The following ERBB4 variants were observed in gnomAD, a reference collection of about 807,000 sequenced individuals.
ERBB4 encodes receptor tyrosine-protein kinase erbB-4.
In ERBB4, 42 loss-of-function variants were observed where a neutral mutation model predicts 158.0. The observed-to-expected ratio is 0.27, with a 90% confidence interval of 0.21 to 0.34. The LOEUF is 0.34. Among genes scored for constraint, ERBB4 ranks in the 10% least tolerant of loss-of-function variants. The pLI, the probability that ERBB4 is intolerant of heterozygous loss-of-function variation, is 1.00. For synonymous variants in ERBB4, 583 were observed against 558.7 expected (o/e 1.04, Z -0.61); for missense variants, 1,333 against 1,624.1 (o/e 0.82, Z 3.08).
At chr2:211,506,947 C>T (rs987513421) in intron 20 of ERBB4, among the ~76,000 whole-genome samples, 3 of 151,806 alleles carry the variant, frequency 2.0e-5, no homozygotes, top group Non-Finnish European at 4.4e-5. Context: ...TTTTGAAAGG[C>T]TAAATGAAGT....
At chr2:211,987,135 A>G (rs1425759531) in intron 2 of ERBB4, among the ~76,000 whole-genome samples, 3 of 151,988 alleles carry the variant, frequency 2.0e-5, no homozygotes, top group African/African-American at 7.3e-5. Context: ...GACCTAGCCA[A>G]CATAGCAAAA....
At chr2:212,237,830 A>C (rs1322870443) in intron 1 of ERBB4, among the ~76,000 whole-genome samples, 4 of 152,206 alleles carry the variant, frequency 2.6e-5, no homozygotes, top group Non-Finnish European at 5.9e-5. Context: ...GCAGGGCTGC[A>C]GAGGACTGTG....
At chr2:211,648,299 A>G (rs1424406163) in intron 16 of ERBB4, among the ~76,000 whole-genome samples, 1 of 151,692 alleles carries the variant, frequency 6.6e-6, no homozygotes, top group Admixed American at 6.6e-5. Flanking sequence ...TTCTTTTCTT[A>G]CCATCTGCAT....
intron 1 of ERBB4, among the ~76,000 whole-genome samples, chr2:212,287,879 A>C (rs2086056956): frequency 6.6e-6 from 1 of 152,146 alleles, no homozygotes; most frequent in African/African-American, 2.4e-5. Context: ...CATAGAGGGC[A>C]ACAACACGCA....
chr2:211,634,223 T>G (rs2070267765), intron 16 of ERBB4, among the ~76,000 whole-genome samples: 1 of 152,230 alleles, frequency 6.6e-6, no homozygotes, highest in African/African-American at 2.4e-5. Context: ...AATAATGGCC[T>G]TGTTCTCTTT....
chr2:211,666,625 A>T (rs1021480088), intron 14 of ERBB4, among the ~76,000 whole-genome samples: 2 of 152,188 alleles, frequency 1.3e-5, no homozygotes, highest in Non-Finnish European at 2.9e-5. Context: ...TTCTTAAAAG[A>T]CTTCCCCGAT....
In ERBB4 at chr2:211,379,724, T is replaced by C. The variant is rs1197383688; in HGVS notation, c.*3891A>G. On this transcript the variant is annotated 3_prime_UTR_variant, in exon 28 of 28. Coordinates refer to ENST00000342788, the MANE Select transcript of ERBB4 (RefSeq NM_005235.3). ...CATGCTTTCATGATCACCTTTTCTA[T>C]TACCTTATGAACTACATATACTAGT... The C allele has an allele frequency of 4.3e-6, 1 of 231,882 alleles. No individual in the cohort carries two copies. Among genetic ancestry groups the C allele is most frequent in the Non-Finnish European group, 8.5e-6 (1 of 117,300 alleles). The allele number at this position is 231,882 out of a possible 1,614,324, so 14.4% of individuals were successfully genotyped here.
At chr2:211,578,106 C>T (rs2067948478) in intron 19 of ERBB4, among the ~76,000 whole-genome samples, 1 of 152,138 alleles carries the variant, frequency 6.6e-6, no homozygotes, top group African/African-American at 2.4e-5. Flanking sequence ...TCAGCGAAGT[C>T]TCAGGATATA....
intron 1 of ERBB4, among the ~76,000 whole-genome samples, chr2:212,278,024 T>C (rs2085610768): frequency 6.6e-6 from 1 of 151,752 alleles, no homozygotes; most frequent in South Asian, 2.1e-4. Context: ...TAATTCATTA[T>C]CGATTGTTGA....
In ERBB4 at chr2:211,893,983, C is replaced by T. The variant is rs1239238939; in HGVS notation, c.421+53447G>A. ...TGGTGGGACTGTAAACTAGTTCAAC[C>T]ATTGTGGAAGTCAGTGTGGCGATTC... On this transcript the variant is annotated intron_variant, in intron 3 of 27. Coordinates refer to ENST00000342788, the MANE Select transcript of ERBB4 (RefSeq NM_005235.3). Among the ~76,000 whole-genome samples the T allele has an allele frequency of 5.2e-3, 741 of 142,264 alleles. 10 individuals carry two copies. Among genetic ancestry groups the T allele is most frequent in the African/African-American group, 0.019 (708 of 36,960 alleles). 93.3% of individuals were successfully genotyped at this position (142,264 alleles called of 152,430 possible).
At chr2:211,690,162 C>T (rs1461375435) in intron 12 of ERBB4, among the ~76,000 whole-genome samples, 3 of 151,274 alleles carry the variant, frequency 2.0e-5, no homozygotes, top group Non-Finnish European at 2.9e-5. Context: ...TCTAACTTAA[C>T]TCAGTTTCTT....
chr2:211,720,540 A>G (rs903898548), intron 7 of ERBB4, among the ~76,000 whole-genome samples: 4 of 152,188 alleles, frequency 2.6e-5, no homozygotes, highest in Non-Finnish European at 5.9e-5. Context: ...AGCCTGTTGA[A>G]TATTTACAGT....
intron 1 of ERBB4, among the ~76,000 whole-genome samples, chr2:212,402,240 G>A (rs1262043744): frequency 2.0e-5 from 3 of 151,916 alleles, no homozygotes; most frequent in Non-Finnish European, 2.9e-5. Flanking sequence ...TTTATGCTGA[G>A]TGAAAAAAAG....
In ERBB4 at chr2:211,691,686, A is replaced by G. The variant is rs573804656; in HGVS notation, c.1489+10281T>C. ...GGCAAATGGCATTAGGTCAGCCCACAGAAGAAGGGACATTAAAGCTGAAAT... is the reference window on the plus strand; with the variant it reads ...GGCAAATGGCATTAGGTCAGCCCACGGAAGAAGGGACATTAAAGCTGAAAT... On this transcript the variant is annotated intron_variant, in intron 12 of 27. Transcript: ENST00000342788. Among the ~76,000 whole-genome samples, 6 of 152,130 alleles carry G rather than the reference A, an allele frequency of 3.9e-5. No homozygotes were observed. In the East Asian group the frequency reaches 9.7e-4, roughly 24 times the overall value.
At chr2:211,754,537 A>G (rs1021416970) in intron 4 of ERBB4, among the ~76,000 whole-genome samples, 3 of 149,194 alleles carry the variant, frequency 2.0e-5, no homozygotes, top group Admixed American at 1.4e-4. Flanking sequence ...AGTAGCTGGG[A>G]TTACAGGTGC....
chr2:211,753,854 A>ATT (rs1047804300), intron 4 of ERBB4, among the ~76,000 whole-genome samples: 25,085 of 121,194 alleles, frequency 0.21, 3,294 homozygotes, highest in Non-Finnish European at 0.28. Context: ...AAAAGTCCTG[A>ATT]TTTTTTTTTT....
At chr2:212,037,108 G>GA (rs1366211605) in intron 2 of ERBB4, among the ~76,000 whole-genome samples, 1 of 26,318 alleles carries the variant, frequency 3.8e-5, no homozygotes, top group Non-Finnish European at 9.7e-4. Flanking sequence ...ATTTTGAAGG[G>GA]TTTTTTTGTT....
chr2:211,894,474 G>A (rs1397485792), intron 3 of ERBB4, among the ~76,000 whole-genome samples: 2 of 149,690 alleles, frequency 1.3e-5, no homozygotes, highest in Admixed American at 6.7e-5. Context: ...TGACGAGTTA[G>A]TGGGTGCAGC....
intron 1 of ERBB4, among the ~76,000 whole-genome samples, chr2:212,423,024 T>C (rs1437590078): frequency 6.6e-6 from 1 of 152,184 alleles, no homozygotes; most frequent in Non-Finnish European, 1.5e-5. Flanking sequence ...ATATTCCATA[T>C]TTTTAGAAGA....
Sources: allele counts gnomAD v4.1 joint callset (sites outside exome capture counted in the v4.1 genomes callset), GRCh38; gene constraint gnomAD v4.1.1; transcripts MANE v1.5; gene names NCBI Gene and HGNC (gene_info 2026-07-23, HGNC 2026-07-21).